The following MAP4K4 variants were observed in gnomAD, a reference collection of about 807,000 sequenced individuals.
The protein encoded by MAP4K4 is mitogen-activated protein kinase kinase kinase kinase 4, also known as HPK/GCK-like kinase HGK.
A neutral mutation model predicts 189.6 loss-of-function variants in MAP4K4; 38 were observed. The ratio of observed to expected loss-of-function variants is 0.20; its 90% CI spans 0.15 to 0.26. The LOEUF (loss-of-function observed/expected upper bound fraction) is 0.26. Among genes scored for constraint, MAP4K4 ranks in the 10% least tolerant of loss-of-function variants. MAP4K4 has a pLI of 1.00. For missense variants in MAP4K4, 1,054 were observed against 1,726.9 expected, an observed-to-expected ratio of 0.61 and a Z score of 6.91; for synonymous variants, 610 against 624.3, an observed-to-expected ratio of 0.98 and a Z score of 0.34.
intron 2 of MAP4K4, among the ~76,000 whole-genome samples, chr2:101,739,555 A>G (rs932549580): frequency 2.0e-5 from 3 of 152,166 alleles, no homozygotes; most frequent in East Asian, 1.9e-4. Flanking sequence ...TCTCAGAAAA[A>G]TCTGAGTGCT....
intron 3 of MAP4K4, among the ~76,000 whole-genome samples, chr2:101,811,387 A>AAAAAAAG (rs2095419041): frequency 7.6e-6 from 1 of 131,508 alleles, no homozygotes; most frequent in Non-Finnish European, 1.6e-5. Flanking sequence ...AAAAAAAAAA[A>AAAAAAAG]AAAAGAATGT....
chr2:101,893,501 T>G (rs532096817), exon 33 of MAP4K4: 39 of 329,940 alleles, frequency 1.2e-4, no homozygotes, highest in South Asian at 8.6e-4. Flanking sequence ...AGGCTTTTCA[T>G]AAGATGAAAC....
intron 11 of MAP4K4, 61 bp downstream of exon 11, chr2:101,842,742 C>A: frequency 7.5e-7 from 1 of 1,340,566 alleles, no homozygotes; most frequent in Non-Finnish European, 1.0e-6. Flanking sequence ...TTATGTTGTG[C>A]CAGGACTGCA....
chr2:101,752,377 C>T (rs1327768430), intron 2 of MAP4K4, among the ~76,000 whole-genome samples: 1 of 152,182 alleles, frequency 6.6e-6, no homozygotes, highest in Non-Finnish European at 1.5e-5. Context: ...AGTTTCTCAG[C>T]AGTTCATATT....
intron 12 of MAP4K4, among the ~76,000 whole-genome samples, chr2:101,845,651 T>C (rs1407041840): frequency 3.9e-5 from 6 of 152,210 alleles, no homozygotes; most frequent in Admixed American, 6.5e-5. Flanking sequence ...AAAAATATGA[T>C]ATTATAATTT....
chr2:101,886,468 G>GA (rs1353917916), intron 29 of MAP4K4, among the ~76,000 whole-genome samples: 2 of 152,188 alleles, frequency 1.3e-5, no homozygotes, highest in Non-Finnish European at 2.9e-5. Context: ...CATTTGAATA[G>GA]TTGAGTAGCA....
At chr2:101,759,499 CCCTCT>C in intron 2 of MAP4K4, among the ~76,000 whole-genome samples, 1 of 47,366 alleles carries the variant, frequency 2.1e-5, no homozygotes, top group African/African-American at 9.7e-5. Flanking sequence ...CCCTCTCCTC[CCCTCT>C]CCCCTCCCCT....
At chr2:101,792,401 G>A (rs1276158162) in intron 3 of MAP4K4, among the ~76,000 whole-genome samples, 2 of 152,008 alleles carry the variant, frequency 1.3e-5, no homozygotes, top group Non-Finnish European at 2.9e-5. Flanking sequence ...TGTTGTGGCC[G>A]GTCAGGATAC....
chr2:101,776,109 G>A (rs890922052), intron 2 of MAP4K4, among the ~76,000 whole-genome samples: 2 of 152,180 alleles, frequency 1.3e-5, no homozygotes, highest in African/African-American at 2.4e-5. Context: ...CCATCAAGCC[G>A]TAGTGGCAGT....
intron 6 of MAP4K4, 200 bp downstream of exon 6, chr2:101,829,794 CT>C: frequency 1.9e-6 from 1 of 513,540 alleles, no homozygotes; most frequent in South Asian, 2.2e-5. Flanking sequence ...CCCCTGCCCC[CT>C]GGTTCTCTAT....
At position 101,811,199 on chromosome 2, in the gene MAP4K4, C is replaced by T. The variant is rs141949964; in HGVS notation, c.181-12729C>T. Among the ~76,000 whole-genome samples, 243 of 151,594 alleles carry T rather than the reference C, an allele frequency of 1.6e-3. 1 individual carries two copies. The highest frequency in any genetic ancestry group is 2.8e-3 in the Non-Finnish European group (192 of 67,956). ...CCATCCTGCCCAACATGGTGAAACC[C>T]GGTCTCTACAAAAATACAAAAATTA... On this transcript the variant is annotated intron_variant, in intron 3 of 32. Transcript: ENST00000324219.
intron 2 of MAP4K4, among the ~76,000 whole-genome samples, chr2:101,778,497 G>C (rs567823468): frequency 6.6e-6 from 1 of 152,218 alleles, no homozygotes; most frequent in South Asian, 2.1e-4. Flanking sequence ...TGTGGGGGAG[G>C]GGGTGGCGCT....
At chr2:101,868,517 A>G (rs1243536258) in intron 21 of MAP4K4, among the ~76,000 whole-genome samples, 1 of 152,252 alleles carries the variant, frequency 6.6e-6, no homozygotes, top group East Asian at 1.9e-4. Flanking sequence ...ACTCTTGAAA[A>G]TTATATTTGG....
chr2:101,831,643 C>G (rs1003063342), intron 6 of MAP4K4, 78 bp from the exon 7 acceptor site: 1 of 1,445,484 alleles, frequency 6.9e-7, no homozygotes, highest in African/African-American at 1.4e-5. Context: ...GACATTTCCT[C>G]CTTGTGTTTT....
intron 2 of MAP4K4, among the ~76,000 whole-genome samples, chr2:101,733,215 C>G (rs1350951676): frequency 1.3e-5 from 2 of 152,188 alleles, no homozygotes; most frequent in African/African-American, 2.4e-5. Context: ...GCAGGGTACA[C>G]CTGAGCCTTT....
chr2:101,869,485 C>T, intron 21 of MAP4K4, 137 bp from the exon 22 acceptor site: 1 of 634,934 alleles, frequency 1.6e-6, no homozygotes, highest in Non-Finnish European at 2.8e-6. Flanking sequence ...CATAGGAGCT[C>T]ACTTTCTCAT....
At chr2:101,782,830 C>T (rs543739440) in intron 2 of MAP4K4, among the ~76,000 whole-genome samples, 15 of 152,258 alleles carry the variant, frequency 9.9e-5, no homozygotes, top group African/African-American at 3.6e-4. Flanking sequence ...ATATGCTCTC[C>T]CACTTTGGTA....
chr2:101,791,865 C>T (rs10191330), intron 3 of MAP4K4, among the ~76,000 whole-genome samples: 14,932 of 152,114 alleles, frequency 0.098, 2,080 homozygotes, highest in African/African-American at 0.31. Context: ...ATGAGGTGAC[C>T]ACTCTCTTTT....
At chr2:101,863,015 TG>T (rs2097711581) in intron 16 of MAP4K4, among the ~76,000 whole-genome samples, 1 of 152,228 alleles carries the variant, frequency 6.6e-6, no homozygotes, top group African/African-American at 2.4e-5. Flanking sequence ...AAATATTTTA[TG>T]GATTTTTTCA....
Sources: gnomAD v4.1 joint callset for allele counts (sites outside exome capture counted in the v4.1 genomes callset) on GRCh38, gnomAD v4.1.1 for gene constraint, MANE v1.5 for transcripts, NCBI Gene and HGNC (gene_info 2026-07-23, HGNC 2026-07-21) for gene names.